Variants in ENTREP2 observed in about 807,000 individuals in gnomAD.
ENTREP2 encodes the protein endosomal transmembrane epsin interactor 2, also known as protein ENTREP2.
the ENTREP2 span, among the ~76,000 whole-genome samples, chr15:29,139,208 G>T: frequency 6.6e-6 from 1 of 152,194 alleles, no homozygotes; most frequent in Non-Finnish European, 1.5e-5. Flanking sequence ...AAAGGCTGGT[G>T]GCCGTGTCTA....
the ENTREP2 span, among the ~76,000 whole-genome samples, chr15:29,178,585 A>C: frequency 6.6e-6 from 1 of 152,036 alleles, no homozygotes; most frequent in African/African-American, 2.4e-5. Context: ...CTCGTCCCAC[A>C]GTGAGACACA....
chr15:29,651,413 C>A, the ENTREP2 span, among the ~76,000 whole-genome samples: 1 of 152,222 alleles, frequency 6.6e-6, no homozygotes, highest in Admixed American at 6.5e-5. Context: ...GCAGAAGCGG[C>A]CCATCTAGAA....
chr15:29,410,053 C>T, the ENTREP2 span, among the ~76,000 whole-genome samples: 1 of 152,198 alleles, frequency 6.6e-6, no homozygotes, highest in Admixed American at 6.5e-5. Context: ...AGACTTTCCC[C>T]TCAATCACTG....
At chr15:29,132,471 A>C in the ENTREP2 span, among the ~76,000 whole-genome samples, 7 of 152,086 alleles carry the variant, frequency 4.6e-5, no homozygotes, top group Non-Finnish European at 8.8e-5. Flanking sequence ...CAGGCCCTGC[A>C]GGCGGTCGTG....
the ENTREP2 span, among the ~76,000 whole-genome samples, chr15:29,132,557 T>C: frequency 6.6e-6 from 1 of 152,184 alleles, no homozygotes; most frequent in African/African-American, 2.4e-5. Context: ...CTCTGACCTT[T>C]CAGCTGTTCT....
chr15:29,357,608 CG>C, the ENTREP2 span, among the ~76,000 whole-genome samples: 1 of 152,022 alleles, frequency 6.6e-6, no homozygotes, highest in Non-Finnish European at 1.5e-5. Flanking sequence ...GAGGCCGAGG[CG>C]GGCAGATCAC....
At chr15:29,316,633 C>G in the ENTREP2 span, among the ~76,000 whole-genome samples, 4 of 152,078 alleles carry the variant, frequency 2.6e-5, no homozygotes, top group Non-Finnish European at 4.4e-5. Context: ...CAAGAATGTC[C>G]AGGAGTGGCT....
chr15:29,463,804 A>C, the ENTREP2 span, among the ~76,000 whole-genome samples: 78,344 of 151,974 alleles, frequency 0.52, 21,593 homozygotes, highest in African/African-American at 0.73. Context: ...TGGAAATAAC[A>C]TAAGTGTCCA....
chr15:29,660,893 T>C, the ENTREP2 span, among the ~76,000 whole-genome samples: 19 of 152,286 alleles, frequency 1.2e-4, no homozygotes, highest in African/African-American at 4.3e-4. Context: ...ACTTTTCTTA[T>C]AGGTGGGTTC....
chr15:29,613,364 A>T, the ENTREP2 span: 1 of 351,542 alleles, frequency 2.8e-6, no homozygotes, highest in East Asian at 9.8e-5. Flanking sequence ...GAGCTGGTTG[A>T]TTCATTCCTG....
chr15:29,625,484 C>T, the ENTREP2 span, among the ~76,000 whole-genome samples: 3 of 152,160 alleles, frequency 2.0e-5, no homozygotes, highest in Non-Finnish European at 4.4e-5. Flanking sequence ...CAACCTCCGC[C>T]TCCCAGGCTC....
At chr15:29,433,781 GAAAA>G in the ENTREP2 span, among the ~76,000 whole-genome samples, 2,901 of 136,722 alleles carry the variant, frequency 0.021, 104 homozygotes, top group African/African-American at 0.071. Context: ...TCCTCCATGG[GAAAA>G]AAAAAAAAAA....
the ENTREP2 span, among the ~76,000 whole-genome samples, chr15:29,608,692 G>A: frequency 7.9e-5 from 12 of 151,640 alleles, no homozygotes; most frequent in Admixed American, 1.3e-4. Context: ...TCAGCCTCCC[G>A]AGTAGCTGGG....
the ENTREP2 span, among the ~76,000 whole-genome samples, chr15:29,552,768 T>C: frequency 1.3e-5 from 2 of 152,068 alleles, no homozygotes; most frequent in East Asian, 1.9e-4. Context: ...TAGAAAGAAT[T>C]AGAATAGTTA....
chr15:29,541,008 G>A, the ENTREP2 span, among the ~76,000 whole-genome samples: 14,717 of 152,132 alleles, frequency 0.097, 2,306 homozygotes, highest in African/African-American at 0.34. Flanking sequence ...ACGCCCATTA[G>A]AAGAATCCAG....
chr15:29,389,904 C>T, the ENTREP2 span, among the ~76,000 whole-genome samples: 1 of 152,160 alleles, frequency 6.6e-6, no homozygotes, highest in African/African-American at 2.4e-5. Flanking sequence ...AGACTTCACT[C>T]CCCCCACCCC....
the ENTREP2 span, among the ~76,000 whole-genome samples, chr15:29,412,857 T>C: frequency 6.6e-6 from 1 of 152,100 alleles, no homozygotes; most frequent in Non-Finnish European, 1.5e-5. Context: ...TTATTCATTC[T>C]TCTTTTTCTA....
chr15:29,198,947 T>C, the ENTREP2 span, among the ~76,000 whole-genome samples: 4 of 152,394 alleles, frequency 2.6e-5, no homozygotes, highest in South Asian at 8.3e-4. Context: ...TGTTCACTGT[T>C]GTATATTACA....
chr15:29,588,337 G>A, the ENTREP2 span, among the ~76,000 whole-genome samples: 40 of 152,162 alleles, frequency 2.6e-4, no homozygotes, highest in East Asian at 1.4e-3. Context: ...AGAGGGTGGC[G>A]GGCGCCTGTA....
Sources: allele counts gnomAD v4.1 joint callset (sites outside exome capture counted in the v4.1 genomes callset), GRCh38; gene constraint gnomAD v4.1.1; transcripts MANE v1.5; gene names NCBI Gene and HGNC (gene_info 2026-07-23, HGNC 2026-07-21).